SLIT2: variants seen among roughly 807,000 people sequenced by gnomAD.
SLIT2 encodes the protein slit guidance ligand 2.
A neutral mutation model predicts 185.7 loss-of-function variants in SLIT2; 41 were observed. The ratio of observed to expected loss-of-function variants is 0.22; its 90% CI spans 0.17 to 0.29. SLIT2 has a LOEUF of 0.29. Among genes scored for constraint, SLIT2 ranks in the 10% least tolerant of loss-of-function variants. The pLI is 1.00. For missense variants in SLIT2, 1,571 were observed against 1,909.0 expected, an observed-to-expected ratio of 0.82 and a Z score of 3.30; for synonymous variants, 693 against 680.2, an observed-to-expected ratio of 1.02 and a Z score of -0.29.
chr4:20,329,537 G>A (rs756913382), intron 4 of SLIT2, among the ~76,000 whole-genome samples: 8 of 151,988 alleles, frequency 5.3e-5, no homozygotes, highest in African/African-American at 9.7e-5. Context: ...TAGCATTTGT[G>A]TAAGGATTGA....
chr4:20,469,770 T>TG (rs1714764399), intron 5 of SLIT2, among the ~76,000 whole-genome samples: 2 of 147,186 alleles, frequency 1.4e-5, no homozygotes, highest in South Asian at 4.4e-4. Flanking sequence ...TTTTTTTTTT[T>TG]TTTGAGATGG....
chr4:20,358,839 G>A (rs1424243693), intron 4 of SLIT2, among the ~76,000 whole-genome samples: 1 of 152,066 alleles, frequency 6.6e-6, no homozygotes, highest in Non-Finnish European at 1.5e-5. Flanking sequence ...AGATGCCAGG[G>A]ATTTGGATTG....
intron 5 of SLIT2, among the ~76,000 whole-genome samples, chr4:20,468,124 C>A (rs1231482510): frequency 6.6e-6 from 1 of 152,044 alleles, no homozygotes; most frequent in Non-Finnish European, 1.5e-5. Context: ...CCCACTTTTT[C>A]TATCAGCTTA....
chr4:20,467,153 G>T (rs1333126821), intron 4 of SLIT2, among the ~76,000 whole-genome samples: 4 of 152,094 alleles, frequency 2.6e-5, no homozygotes, highest in African/African-American at 2.4e-5. Flanking sequence ...GATTATAATA[G>T]AATTATTTAA....
At chr4:20,309,473 CT>C (rs1446473888) in intron 4 of SLIT2, among the ~76,000 whole-genome samples, 14 of 151,754 alleles carry the variant, frequency 9.2e-5, no homozygotes, top group African/African-American at 3.4e-4. Context: ...TAACTTACAA[CT>C]TTTTATTAGA....
chr4:20,385,151 C>G, intron 4 of SLIT2, among the ~76,000 whole-genome samples: 1 of 152,058 alleles, frequency 6.6e-6, no homozygotes, highest in African/African-American at 2.4e-5. Context: ...ATTAGATCAC[C>G]TTTGCCAGGG....
rs1721860430 is a variant in SLIT2 at position 20,532,070 on chromosome 4, G to A, written c.1688+12G>A. On this transcript the variant is annotated intron_variant, in intron 17 of 36. Transcript: ENST00000504154. The stretch of plus-strand genomic sequence containing the variant: ...CAATTACGTAAAATGTAAGTCACTT[G>A]TTAGCTATTTTTTTTATTTCTGTAG... The A allele has an allele frequency of 6.8e-7, 1 of 1,463,228 alleles. No homozygotes were observed. Among genetic ancestry groups the A allele is most frequent in the Admixed American group, 2.5e-5 (1 of 40,562 alleles). 90.6% of individuals were successfully genotyped at this position (1,463,228 alleles called of 1,614,324 possible).
At chr4:20,302,438 G>A (rs149352674) in intron 4 of SLIT2, among the ~76,000 whole-genome samples, 2 of 152,202 alleles carry the variant, frequency 1.3e-5, no homozygotes, top group Admixed American at 6.5e-5. Context: ...CAATGGGGGA[G>A]GGACAAGTTA....
chr4:20,554,473 T>A (rs532491780), intron 26 of SLIT2: 3 of 323,582 alleles, frequency 9.3e-6, no homozygotes, highest in South Asian at 4.9e-5. Flanking sequence ...GTTTGATGTA[T>A]TTGTGAATCT....
At chr4:20,435,104 T>A (rs573738343) in intron 4 of SLIT2, among the ~76,000 whole-genome samples, 52 of 152,386 alleles carry the variant, frequency 3.4e-4, no homozygotes, top group African/African-American at 1.2e-3. Context: ...TAAAAATGTT[T>A]GGCAACATTG....
chr4:20,556,563 G>A (rs1295559933), intron 26 of SLIT2, among the ~76,000 whole-genome samples: 1 of 151,958 alleles, frequency 6.6e-6, no homozygotes, highest in Non-Finnish European at 1.5e-5. Flanking sequence ...GGAAGTCCAA[G>A]ATAAGTCCCC....
chr4:20,400,871 G>C (rs1000337315), intron 4 of SLIT2, among the ~76,000 whole-genome samples: 1 of 151,826 alleles, frequency 6.6e-6, no homozygotes, highest in Admixed American at 6.6e-5. Context: ...GGATTGCCAT[G>C]TGTTAGTATA....
intron 4 of SLIT2, among the ~76,000 whole-genome samples, chr4:20,382,743 A>G (rs909628974): frequency 6.6e-6 from 1 of 152,168 alleles, no homozygotes; most frequent in African/African-American, 2.4e-5. Context: ...TATTGATTCA[A>G]TGCACTTCCA....
rs1275845917 is a variant in SLIT2 at position 20,594,269 on chromosome 4, GTATGTGTGTATGTA to G, written c.3183-1416_3183-1403del. Among the ~76,000 whole-genome samples, 18 of 149,550 alleles carry G rather than the reference GTATGTGTGTATGTA, an allele frequency of 1.2e-4. No homozygotes were observed. In the East Asian group the frequency reaches 3.6e-3, roughly 30 times the overall value. ...CATATACATATACATACACGCATAT[GTATGTGTGTATGTA>G]TATGTGTGTATATATATATATGTGT... On this transcript the variant is annotated intron_variant, in intron 30 of 36. Coordinates refer to ENST00000504154, the MANE Select transcript of SLIT2 (RefSeq NM_004787.4).
intron 25 of SLIT2, among the ~76,000 whole-genome samples, chr4:20,551,499 G>A (rs1723750745): frequency 6.6e-6 from 1 of 152,098 alleles, no homozygotes; most frequent in African/African-American, 2.4e-5. Flanking sequence ...GAAAATATGT[G>A]ATAAGTGTGG....
At chr4:20,570,072 G>A (rs924065807) in intron 29 of SLIT2, among the ~76,000 whole-genome samples, 3 of 152,014 alleles carry the variant, frequency 2.0e-5, no homozygotes, top group Non-Finnish European at 4.4e-5. Context: ...GAATAATGAG[G>A]CTCGGTTTTG....
intron 4 of SLIT2, among the ~76,000 whole-genome samples, chr4:20,451,491 A>G (rs1487015462): frequency 2.0e-5 from 3 of 152,182 alleles, no homozygotes; most frequent in African/African-American, 7.2e-5. Context: ...CCCTTATAAA[A>G]TGAAATGTAT....
chr4:20,425,986 C>A (rs1235076208), intron 4 of SLIT2, among the ~76,000 whole-genome samples: 1 of 152,136 alleles, frequency 6.6e-6, no homozygotes, highest in Non-Finnish European at 1.5e-5. Context: ...TTGCTGTCAC[C>A]TTAGGAGCTT....
intron 30 of SLIT2, among the ~76,000 whole-genome samples, chr4:20,594,864 T>A (rs758098053): frequency 2.0e-5 from 3 of 152,204 alleles, no homozygotes; most frequent in Non-Finnish European, 4.4e-5. Context: ...TCTTTGTTCC[T>A]TAGTCTCCTC....
Sources: gnomAD v4.1 joint callset for allele counts (sites outside exome capture counted in the v4.1 genomes callset) on GRCh38, gnomAD v4.1.1 for gene constraint, MANE v1.5 for transcripts, NCBI Gene and HGNC (gene_info 2026-07-23, HGNC 2026-07-21) for gene names.